The following KIRREL3 variants were observed in gnomAD, a reference collection of about 807,000 sequenced individuals.
KIRREL3 encodes kin of IRRE-like protein 3.
Under a neutral mutation model 89.7 loss-of-function variants are expected in KIRREL3, and 36 were observed. That is an observed-to-expected ratio of 0.40 (90% CI 0.31 to 0.53). KIRREL3 has a LOEUF of 0.53. KIRREL3 is among the 20% of genes least tolerant of loss of function. The pLI is 0.49. For missense variants in KIRREL3, 864 were observed against 1,056.6 expected (o/e 0.82, Z 2.53); for synonymous variants, 445 against 441.4 (o/e 1.01, Z -0.10).
At chr11:126,512,201 A>C (rs1958246509) in intron 4 of KIRREL3, among the ~76,000 whole-genome samples, 1 of 152,228 alleles carries the variant, frequency 6.6e-6, no homozygotes, top group South Asian at 2.1e-4. Context: ...TCAGGCCTCC[A>C]AGAATGTGTC....
chr11:126,542,188 T>A (rs933436562), intron 2 of KIRREL3, among the ~76,000 whole-genome samples: 1 of 152,170 alleles, frequency 6.6e-6, no homozygotes, highest in Admixed American at 6.5e-5. Context: ...AAGCACGAGG[T>A]GCCTTGGTCT....
intron 1 of KIRREL3, among the ~76,000 whole-genome samples, chr11:126,726,923 G>T (rs987153626): frequency 1.3e-5 from 2 of 152,162 alleles, no homozygotes; most frequent in African/African-American, 4.8e-5. Flanking sequence ...GCTCTTGAAC[G>T]GTTCTACCTC....
At chr11:126,781,712 C>T (rs553805558) in intron 1 of KIRREL3, among the ~76,000 whole-genome samples, 3 of 152,186 alleles carry the variant, frequency 2.0e-5, no homozygotes, top group Admixed American at 2.0e-4. Context: ...TCGGCCCATG[C>T]ATCACGCAAG....
intron 1 of KIRREL3, among the ~76,000 whole-genome samples, chr11:126,919,157 C>T (rs1470478983): frequency 1.3e-5 from 2 of 152,020 alleles, no homozygotes; most frequent in Admixed American, 1.3e-4. Context: ...AGAATTAAGG[C>T]ATAGTGCTTT....
chr11:126,465,340 C>T (rs548334303), intron 5 of KIRREL3, among the ~76,000 whole-genome samples: 4 of 152,252 alleles, frequency 2.6e-5, no homozygotes, highest in African/African-American at 7.2e-5. Context: ...CCAAGTGAGC[C>T]GGGAACTTGC....
chr11:126,587,260 G>A lies in KIRREL3; in HGVS notation c.56-24348C>T, dbSNP rs765874271. On this transcript the variant is annotated intron_variant, in intron 1 of 16. Coordinates refer to ENST00000525144, the MANE Select transcript of KIRREL3 (RefSeq NM_032531.4). This position sits in a 1 kb window ranked among gnomAD's most constrained non-coding sequence, Gnocchi z 5.2. ...GAGATGAAGACGGGGGCTGCAGAGCGTTCCAGGCTGTGGAGGCAGCGTGTG... is the reference window on the plus strand; with the variant it reads ...GAGATGAAGACGGGGGCTGCAGAGCATTCCAGGCTGTGGAGGCAGCGTGTG... Among the ~76,000 whole-genome samples, 80 of 152,152 alleles carry A rather than the reference G, an allele frequency of 5.3e-4. No homozygotes were observed. The highest frequency in any genetic ancestry group is 6.2e-4 in the Non-Finnish European group (42 of 68,032).
At chr11:126,925,104 G>A (rs553899404) in intron 1 of KIRREL3, among the ~76,000 whole-genome samples, 10,213 of 148,594 alleles carry the variant, frequency 0.069, 779 homozygotes, top group African/African-American at 0.11. Context: ...GGTCGGGGGG[G>A]GGGGGGGGCT....
chr11:126,511,542 C>G (rs1310039036), intron 4 of KIRREL3, among the ~76,000 whole-genome samples: 1 of 152,180 alleles, frequency 6.6e-6, no homozygotes, highest in Non-Finnish European at 1.5e-5. Flanking sequence ...TGGCTCCCGG[C>G]TCATGGGCAT....
chr11:126,845,117 A>C (rs2322499), intron 1 of KIRREL3, among the ~76,000 whole-genome samples: 131,417 of 152,156 alleles, frequency 0.86, 57,101 homozygotes, highest in East Asian at 1. Context: ...TGGGCCTTAC[A>C]AGTTTGATAT....
At chr11:126,619,453 G>A (rs1292675113) in intron 1 of KIRREL3, among the ~76,000 whole-genome samples, 1 of 152,198 alleles carries the variant, frequency 6.6e-6, no homozygotes, top group African/African-American at 2.4e-5. Context: ...GGGTTTGAAT[G>A]GGAAAATGAC....
chr11:126,785,730 A>G (rs58767838), intron 1 of KIRREL3, among the ~76,000 whole-genome samples: 5,716 of 151,922 alleles, frequency 0.038, 341 homozygotes, highest in African/African-American at 0.13. Flanking sequence ...AAAATTTAGC[A>G]GGGCATGGTG....
chr11:126,956,428 T>G (rs915076842), intron 1 of KIRREL3, among the ~76,000 whole-genome samples: 4 of 152,182 alleles, frequency 2.6e-5, no homozygotes, highest in African/African-American at 9.7e-5. Flanking sequence ...CATTTCCACA[T>G]GTCTAGTCAT....
At chr11:126,465,853 C>T (rs1266028378) in intron 5 of KIRREL3, among the ~76,000 whole-genome samples, 3 of 152,194 alleles carry the variant, frequency 2.0e-5, no homozygotes, top group East Asian at 3.9e-4. Flanking sequence ...CTTCAGCAGA[C>T]CTCATCGAGT....
chr11:126,687,743 A>G lies in KIRREL3; in HGVS notation c.56-124831T>C, dbSNP rs1946720249. Among the ~76,000 whole-genome samples, 1 of 152,194 alleles carries G rather than the reference A, an allele frequency of 6.6e-6. No homozygotes were observed. Among genetic ancestry groups the G allele is most frequent in the Admixed American group, 6.5e-5 (1 of 15,290 alleles). On this transcript the variant is annotated intron_variant, in intron 1 of 16. Coordinates refer to ENST00000525144, the MANE Select transcript of KIRREL3 (RefSeq NM_032531.4). The surrounding 1 kb of genome is among the most constrained non-coding windows in gnomAD (Gnocchi z 4.6). ...CAAAGATAAGTGCTCTGAGGCCCCT[A>G]TTCTCAGAGTGCTCAGTCCAGTGAG...
intron 1 of KIRREL3, among the ~76,000 whole-genome samples, chr11:126,881,436 C>T (rs1945490154): frequency 6.6e-6 from 1 of 152,192 alleles, no homozygotes; most frequent in African/African-American, 2.4e-5. Context: ...CAGCGTCAAG[C>T]CCTGCGGTAC....
At chr11:126,881,022 G>A (rs1945474909) in intron 1 of KIRREL3, among the ~76,000 whole-genome samples, 1 of 152,188 alleles carries the variant, frequency 6.6e-6, no homozygotes, top group Non-Finnish European at 1.5e-5. Context: ...TGTTTGTGCT[G>A]AGAATGTCAG....
At chr11:126,982,224 T>C (rs770898731) in intron 1 of KIRREL3, among the ~76,000 whole-genome samples, 4 of 152,200 alleles carry the variant, frequency 2.6e-5, no homozygotes, top group Non-Finnish European at 5.9e-5. Flanking sequence ...TATCATTGTC[T>C]ACTGGTTGCT....
chr11:126,645,610 C>T lies in KIRREL3; in HGVS notation c.56-82698G>A, dbSNP rs1441349115. Among the ~76,000 whole-genome samples the T allele has an allele frequency of 6.6e-6, 1 of 152,174 alleles. No homozygotes were observed. The highest frequency in any genetic ancestry group is 1.5e-5 in the Non-Finnish European group (1 of 68,038). On this transcript the variant is annotated intron_variant, in intron 1 of 16. Coordinates refer to ENST00000525144, the MANE Select transcript of KIRREL3 (RefSeq NM_032531.4). This position sits in a 1 kb window ranked among gnomAD's most constrained non-coding sequence, Gnocchi z 4.9. ...ACATCTAAATGGAAGCATCATGGCA[C>T]GAGGTGAAATTCTAGGTTTCTGAAG...
rs990424640 is a variant in KIRREL3 at position 126,723,501 on chromosome 11, G to A, written c.56-160589C>T. 6.6e-6 allele frequency among the ~76,000 whole-genome samples: 1 copy of A among 152,150 alleles called. No individual in the cohort carries two copies. The highest frequency in any genetic ancestry group is 2.4e-5 in the African/African-American group (1 of 41,444). ...TCTGTGGCATCATTAAGCAGCTGGT[G>A]CCAACATTTACCTCACACCTCCCTT... On this transcript the variant is annotated intron_variant, in intron 1 of 16. Transcript: ENST00000525144. This position sits in a 1 kb window ranked among gnomAD's most constrained non-coding sequence, Gnocchi z 4.0.
Sources: gnomAD v4.1 joint callset for allele counts (sites outside exome capture counted in the v4.1 genomes callset) on GRCh38, gnomAD v4.1.1 for gene constraint, Gnocchi (gnomAD v3.1) non-coding constraint, MANE v1.5 for transcripts, NCBI Gene and HGNC (gene_info 2026-07-23, HGNC 2026-07-21) for gene names.